SLIT1: variants seen among roughly 807,000 people sequenced by gnomAD.
SLIT1 encodes the protein slit homolog 1 protein.
Under a neutral mutation model 186.1 loss-of-function variants are expected in SLIT1, and 66 were observed. That is an observed-to-expected ratio of 0.35 (90% CI 0.29 to 0.44). SLIT1 has a LOEUF of 0.44. SLIT1 is among the 20% of genes least tolerant of loss of function. SLIT1 has a pLI of 1.00. For synonymous variants in SLIT1, 761 were observed against 833.8 expected, an observed-to-expected ratio of 0.91 and a Z score of 1.50; for missense variants, 1,638 against 2,037.4, an observed-to-expected ratio of 0.80 and a Z score of 3.77.
chr10:97,081,666 G>T (rs1359621431), intron 4 of SLIT1, among the ~76,000 whole-genome samples: 1 of 152,130 alleles, frequency 6.6e-6, no homozygotes, highest in Non-Finnish European at 1.5e-5. Context: ...TGCTCAAAGG[G>T]AATAAGACCC....
chr10:97,026,230 G>A (rs2134605121), intron 25 of SLIT1, among the ~76,000 whole-genome samples: 1 of 152,298 alleles, frequency 6.6e-6, no homozygotes, highest in South Asian at 2.1e-4. Flanking sequence ...TTGGGAGGCT[G>A]AGGCGGGTGG....
intron 1 of SLIT1, among the ~76,000 whole-genome samples, chr10:97,173,726 T>C (rs1358550577): frequency 1.3e-5 from 2 of 151,100 alleles, no homozygotes; most frequent in African/African-American, 4.9e-5. Flanking sequence ...AAGGAGGGGG[T>C]CACAGAGGGA....
intron 25 of SLIT1, among the ~76,000 whole-genome samples, chr10:97,027,699 G>A (rs1440510401): frequency 6.6e-6 from 1 of 152,202 alleles, no homozygotes; most frequent in African/African-American, 2.4e-5. Context: ...TTATAGATGG[G>A]TATAGGCTCA....
intron 4 of SLIT1, among the ~76,000 whole-genome samples, chr10:97,136,190 A>G (rs1849701806): frequency 6.6e-6 from 1 of 152,024 alleles, no homozygotes; most frequent in Non-Finnish European, 1.5e-5. Flanking sequence ...ATGCTGTGTC[A>G]CCTTGTCCCC....
At chr10:97,122,274 G>A (rs959977622) in intron 4 of SLIT1, among the ~76,000 whole-genome samples, 3 of 152,238 alleles carry the variant, frequency 2.0e-5, no homozygotes, top group African/African-American at 7.2e-5. Context: ...ACAATAATCA[G>A]AAGGGAAGAT....
intron 3 of SLIT1, among the ~76,000 whole-genome samples, chr10:97,161,853 A>G (rs1248350102): frequency 2.6e-5 from 4 of 152,222 alleles, no homozygotes; most frequent in Non-Finnish European, 4.4e-5. Flanking sequence ...TCTGGGTTCT[A>G]ATCCCCTCTT....
chr10:97,125,857 C>CA (rs1053873689), intron 4 of SLIT1, among the ~76,000 whole-genome samples: 27 of 149,898 alleles, frequency 1.8e-4, no homozygotes, highest in African/African-American at 2.2e-4. Context: ...CAAAAAAAAA[C>CA]AAAAAAAACA....
At chr10:97,131,955 C>A (rs999061904) in intron 4 of SLIT1, among the ~76,000 whole-genome samples, 1 of 152,194 alleles carries the variant, frequency 6.6e-6, no homozygotes, top group African/African-American at 2.4e-5. Flanking sequence ...CCCAGCCCGG[C>A]CCCCAAGTCC....
chr10:97,035,393 C>T (rs2134614357), intron 22 of SLIT1, among the ~76,000 whole-genome samples: 1 of 152,266 alleles, frequency 6.6e-6, no homozygotes, highest in South Asian at 2.1e-4. Flanking sequence ...TCAAACTCCG[C>T]CCGCATCTTG....
rs541523173 is a variant in SLIT1 at position 97,047,124 on chromosome 10, C to T, written c.1635-59G>A. 157 of 1,134,554 alleles carry T rather than the reference C, an allele frequency of 1.4e-4. 1 individual carries two copies. The South Asian group carries it at 1.9e-3, about 13-fold the overall frequency. 70.3% of individuals were successfully genotyped at this position (1,134,554 alleles called of 1,614,324 possible). A position where few individuals can be genotyped will look rare whatever the true frequency, so the allele number is the denominator to read the frequency against. On this transcript the variant is annotated intron_variant, in intron 16 of 36. Coordinates refer to ENST00000266058, the MANE Select transcript of SLIT1 (RefSeq NM_003061.3). Reference sequence around the variant, plus strand: ...AAATGATGGACATTTCAAATCCCTTCCAAACTGAGAATATTTGGGACTCAA... The same window carrying T: ...AAATGATGGACATTTCAAATCCCTTTCAAACTGAGAATATTTGGGACTCAA...
chr10:97,039,321 C>T (rs1848669280), intron 21 of SLIT1, among the ~76,000 whole-genome samples: 1 of 152,178 alleles, frequency 6.6e-6, no homozygotes, highest in African/African-American at 2.4e-5. Context: ...GCATCTATGT[C>T]CAATCCTCCA....
At chr10:97,079,735 G>C (rs1254735778) in intron 4 of SLIT1, among the ~76,000 whole-genome samples, 2 of 152,174 alleles carry the variant, frequency 1.3e-5, no homozygotes, top group African/African-American at 2.4e-5. Context: ...TGGGAAAATG[G>C]GCACTGTGCA....
At chr10:97,032,167 T>C (rs1848597069) in intron 23 of SLIT1, among the ~76,000 whole-genome samples, 1 of 152,186 alleles carries the variant, frequency 6.6e-6, no homozygotes, top group Non-Finnish European at 1.5e-5. Flanking sequence ...AATAATTTAC[T>C]ATTGAAAAGC....
intron 4 of SLIT1, among the ~76,000 whole-genome samples, chr10:97,091,536 A>T (rs1026349673): frequency 6.6e-6 from 1 of 152,208 alleles, no homozygotes; most frequent in Non-Finnish European, 1.5e-5. Context: ...TCTTTCACTG[A>T]TGATAAGCTC....
In SLIT1 at chr10:97,004,075, A is replaced by G. The variant is rs778170165; in HGVS notation, c.3858T>C (p.Tyr1286=). The G allele has an allele frequency of 7.5e-6, 12 of 1,609,608 alleles. No homozygotes were observed. In the African/African-American group the frequency reaches 1.6e-4, roughly 21 times the overall value. Residue 1286 remains tyrosine, a synonymous_variant, in exon 34 of 37, where the codon TAT becomes TAC. Transcript: ENST00000266058. This position sits in a 1 kb window ranked among gnomAD's most constrained non-coding sequence, Gnocchi z 5.1. The part of the protein sequence containing the change: ...HYTLNSEAPL[Y]VGGMPVDVNS... The stretch of plus-strand genomic sequence containing the variant: ...CCAGGGCCAGGTCCTCACCTCCCAC[A>G]TAGAGTGGCGCCTCGCTGTTGAGCG...
chr10:97,102,925 C>T (rs983805613), intron 4 of SLIT1: 4 of 152,222 alleles, frequency 2.6e-5, no homozygotes, highest in Non-Finnish European at 4.4e-5. Context: ...TGGCAATCAC[C>T]AGGTCCCTGG....
At chr10:97,121,611 A>G (rs1485978833) in intron 4 of SLIT1, among the ~76,000 whole-genome samples, 1 of 152,222 alleles carries the variant, frequency 6.6e-6, no homozygotes, top group African/African-American at 2.4e-5. Context: ...CCAAGATCCG[A>G]ACCCAAGTCC....
chr10:97,177,429 A>G (rs1038540061), intron 1 of SLIT1, among the ~76,000 whole-genome samples: 4 of 152,200 alleles, frequency 2.6e-5, no homozygotes, highest in Non-Finnish European at 4.4e-5. Flanking sequence ...GCCTTGGTCC[A>G]GACCCACTTC....
chr10:97,018,606 C>T lies in SLIT1; in HGVS notation c.2949G>A (p.Glu983=), dbSNP rs1175419478. The change falls in exon 28 of 37, where the codon GAG becomes GAA. Residue 983 remains glutamate, a synonymous_variant. Transcript: ENST00000266058. The part of the protein sequence containing the change: ...CENGGTCHAQ[E]GEDAPFTCSC... Reference sequence around the variant, plus strand: ...CTCACGTGAACGGGGCATCCTCGCCCTCCTGTGCATGGCAGGTGCCCCCAT... The same window carrying T: ...CTCACGTGAACGGGGCATCCTCGCCTTCCTGTGCATGGCAGGTGCCCCCAT... 6 of 1,590,822 alleles carry T rather than the reference C, an allele frequency of 3.8e-6. No homozygotes were observed. The Admixed American group carries it at 7.0e-5, about 19-fold the overall frequency.
Sources: gnomAD v4.1 joint callset for allele counts (sites outside exome capture counted in the v4.1 genomes callset) on GRCh38, gnomAD v4.1.1 for gene constraint, Gnocchi (gnomAD v3.1) non-coding constraint, MANE v1.5 for transcripts, NCBI Gene and HGNC (gene_info 2026-07-23, HGNC 2026-07-21) for gene names.